Variants in AHI1 observed in about 807,000 individuals in gnomAD.
AHI1 encodes the protein Abelson helper integration site 1, also known as jouberin.
A neutral mutation model predicts 149.3 loss-of-function variants in AHI1; 123 were observed. The ratio of observed to expected loss-of-function variants is 0.82; its 90% CI spans 0.71 to 0.96. The LOEUF is 0.96. Ranked by LOEUF, AHI1 falls within the 40% of genes least tolerant of loss-of-function variation. AHI1 has a pLI of 0.00. For synonymous variants in AHI1, 475 were observed against 459.8 expected (o/e 1.03, Z -0.42); for missense variants, 1,439 against 1,422.7 (o/e 1.01, Z -0.18).
At chr6:135,445,609 G>C (rs1466481659) in intron 13 of AHI1, among the ~76,000 whole-genome samples, 1 of 152,022 alleles carries the variant, frequency 6.6e-6, no homozygotes, top group African/African-American at 2.4e-5. Context: ...ATCTCATTCT[G>C]TCATCCAGGC....
At position 135,467,631 on chromosome 6, in the gene AHI1, C is replaced by A; in HGVS notation, c.139G>T (p.Asp47Tyr). The change falls in exon 6 of 29, where the codon GAC (aspartate) becomes TAC (tyrosine). Residue 47 changes from aspartate (D) to tyrosine (Y), a missense_variant. By Grantham distance (160) the Asp-to-Tyr change is radical. Transcript: ENST00000265602. ...TAGTGAAGATTGCTTCTAATAGTGTCAGGCTAAAAAGGAAGACATAATAAA... is the reference window on the plus strand; with the variant it reads ...TAGTGAAGATTGCTTCTAATAGTGTAAGGCTAAAAAGGAAGACATAATAAA... Reference protein sequence around the residue: ...LVRSEENISPDTIRSNLHYMK... With the variant: ...LVRSEENISPYTIRSNLHYMK... 6.2e-7 allele frequency: 1 copy of A among 1,603,168 alleles called. No individual in the cohort carries two copies. The highest frequency in any genetic ancestry group is 1.1e-5 in the South Asian group (1 of 89,424).
In AHI1 at chr6:135,395,085, A is replaced by T. The variant is rs942091128; in HGVS notation, c.2989-189T>A. Among the ~76,000 whole-genome samples the T allele has an allele frequency of 2.0e-5, 3 of 152,040 alleles. No homozygotes were observed. In the South Asian group the frequency reaches 6.2e-4, roughly 31 times the overall value. ...TCATTTTCATCAAGAAAAAAATATA[A>T]TAGTAATTAGAACATAGCTATATGA... On this transcript the variant is annotated intron_variant, in intron 22 of 28. Coordinates refer to ENST00000265602, the MANE Select transcript of AHI1 (RefSeq NM_001134831.2).
chr6:135,310,855 T>C (rs2128365476), intron 26 of AHI1, among the ~76,000 whole-genome samples: 1 of 152,112 alleles, frequency 6.6e-6, no homozygotes, highest in East Asian at 1.9e-4. Flanking sequence ...AGAAGGTAAA[T>C]AGTACTTTAC....
At chr6:135,388,642 A>G (rs1171065454) in intron 23 of AHI1, among the ~76,000 whole-genome samples, 1 of 152,228 alleles carries the variant, frequency 6.6e-6, no homozygotes, top group Non-Finnish European at 1.5e-5. Flanking sequence ...TAACTGGAAC[A>G]ATGACTCTCA....
intron 24 of AHI1, among the ~76,000 whole-genome samples, chr6:135,356,309 T>TTTC (rs1477829343): frequency 6.6e-6 from 1 of 152,224 alleles, no homozygotes; most frequent in Non-Finnish European, 1.5e-5. Context: ...CCCTAAACAT[T>TTTC]TTCTTCTCCT....
At chr6:135,287,633 A>T (rs1466640378) in intron 28 of AHI1, among the ~76,000 whole-genome samples, 1 of 152,242 alleles carries the variant, frequency 6.6e-6, no homozygotes, top group Non-Finnish European at 1.5e-5. Context: ...CTTCTCATAA[A>T]GTATCTCTGT....
intron 23 of AHI1, among the ~76,000 whole-genome samples, chr6:135,363,236 G>A (rs1420580586): frequency 1.3e-5 from 2 of 150,158 alleles, no homozygotes; most frequent in African/African-American, 4.9e-5. Context: ...TGAGATTAGG[G>A]AGTGGTGATG....
chr6:135,343,538 T>C (rs1790694021), intron 24 of AHI1, among the ~76,000 whole-genome samples: 1 of 151,342 alleles, frequency 6.6e-6, no homozygotes, highest in Non-Finnish European at 1.5e-5. Flanking sequence ...AGAATAGGCG[T>C]GTGTATGGAT....
intron 27 of AHI1, among the ~76,000 whole-genome samples, chr6:135,298,219 C>A (rs1213267106): frequency 6.6e-6 from 1 of 150,916 alleles, no homozygotes; most frequent in Non-Finnish European, 1.5e-5. Context: ...CAGGAAAATA[C>A]TTTTGTTAAA....
At position 135,385,294 on chromosome 6, in the gene AHI1, T is replaced by C. The variant is rs1456048262; in HGVS notation, c.3109+9482A>G. 3.3e-5 allele frequency among the ~76,000 whole-genome samples: 5 copies of C among 151,962 alleles called. No homozygotes were observed. The South Asian group carries it at 8.3e-4, about 25-fold the overall frequency. Reference sequence around the variant, plus strand: ...TAAGGGAGTGGGCATATATAGGGAATAAAACAGGGTCAAATTGCAGTGAAA... The same window carrying C: ...TAAGGGAGTGGGCATATATAGGGAACAAAACAGGGTCAAATTGCAGTGAAA... On this transcript the variant is annotated intron_variant, in intron 23 of 28. Transcript: ENST00000265602.
At chr6:135,349,592 G>C (rs1277229292) in intron 24 of AHI1, among the ~76,000 whole-genome samples, 1 of 152,146 alleles carries the variant, frequency 6.6e-6, no homozygotes, top group African/African-American at 2.4e-5. Context: ...GCGGCATGAA[G>C]TTTTCAACAA....
intron 23 of AHI1, among the ~76,000 whole-genome samples, chr6:135,380,163 C>T (rs1368214025): frequency 6.6e-6 from 1 of 151,838 alleles, no homozygotes; most frequent in Non-Finnish European, 1.5e-5. Context: ...GTGCAACTCC[C>T]TTCCCTGCTT....
intron 8 of AHI1, among the ~76,000 whole-genome samples, chr6:135,462,689 T>A (rs1207891207): frequency 2.6e-5 from 4 of 152,050 alleles, no homozygotes; most frequent in Non-Finnish European, 5.9e-5. Context: ...TCACTTGAGG[T>A]CATGAGTTCG....
chr6:135,407,874 TA>T (rs1472247003), intron 21 of AHI1, among the ~76,000 whole-genome samples: 2 of 150,072 alleles, frequency 1.3e-5, no homozygotes, highest in African/African-American at 5.0e-5. Flanking sequence ...CTACTAAAAA[TA>T]CAAAAAAAAA....
chr6:135,485,917 T>A (rs1794408051), intron 5 of AHI1, among the ~76,000 whole-genome samples: 1 of 152,124 alleles, frequency 6.6e-6, no homozygotes, highest in Non-Finnish European at 1.5e-5. Flanking sequence ...CACATCACCA[T>A]AGAATCAGTA....
chr6:135,380,745 A>C (rs59982766), intron 23 of AHI1, among the ~76,000 whole-genome samples: 25,900 of 60,460 alleles, frequency 0.43, 4,177 homozygotes, highest in Middle Eastern at 0.6. Context: ...CCCCCCCCCC[A>C]AAAAAAAAGT....
At chr6:135,471,524 A>T (rs113205059) in intron 5 of AHI1, among the ~76,000 whole-genome samples, 1 of 151,976 alleles carries the variant, frequency 6.6e-6, no homozygotes, top group African/African-American at 2.4e-5. Flanking sequence ...GTACTGTACT[A>T]TTTTTTTTAA....
intron 23 of AHI1, among the ~76,000 whole-genome samples, chr6:135,358,788 A>C (rs113174151): frequency 1.1e-3 from 160 of 152,234 alleles, no homozygotes; most frequent in African/African-American, 3.5e-3. Context: ...TTTTGTTCCC[A>C]ATGTTCTCTA....
chr6:135,475,463 C>T (rs1397464027), intron 5 of AHI1, among the ~76,000 whole-genome samples: 1 of 152,188 alleles, frequency 6.6e-6, no homozygotes, highest in Admixed American at 6.5e-5. Context: ...CACACTGTAA[C>T]AGTTTTGCCA....
Sources: gnomAD v4.1 joint callset for allele counts (sites outside exome capture counted in the v4.1 genomes callset) on GRCh38, gnomAD v4.1.1 for gene constraint, MANE v1.5 for transcripts, NCBI Gene and HGNC (gene_info 2026-07-23, HGNC 2026-07-21) for gene names.